C3orf20: variants seen among roughly 807,000 people sequenced by gnomAD.
The protein encoded by C3orf20 is family with sequence similarity 149 member C, also known as uncharacterized protein C3orf20.
C3orf20 carries 76 observed loss-of-function variants against 88.3 expected under a neutral mutation model. The observed-to-expected ratio is 0.86, with a 90% CI of 0.72 to 1.04. The LOEUF (loss-of-function observed/expected upper bound fraction) is 1.04, where lower values mean the gene tolerates loss of function less well. Ranked by LOEUF, C3orf20 falls within the 50% of genes least tolerant of loss-of-function variation. The pLI, the probability that C3orf20 is intolerant of heterozygous loss-of-function variation, is 0.00. For missense variants in C3orf20, 1,056 were observed against 1,123.3 expected, an observed-to-expected ratio of 0.94 and a Z score of 0.86; for synonymous variants, 436 against 437.4, an observed-to-expected ratio of 1.00 and a Z score of 0.04.
intron 12 of C3orf20, among the ~76,000 whole-genome samples, chr3:14,738,185 T>TTTTTA (rs2034779895): frequency 1.4e-5 from 2 of 145,222 alleles, no homozygotes; most frequent in African/African-American, 5.3e-5. Context: ...TTTTTTTTTT[T>TTTTTA]GAGGCAGAGT....
intron 15 of C3orf20, among the ~76,000 whole-genome samples, chr3:14,771,665 G>A (rs191315410): frequency 5.3e-5 from 8 of 152,312 alleles, no homozygotes; most frequent in African/African-American, 1.4e-4. Flanking sequence ...ATAAGGCCAC[G>A]TTCCGGGGTC....
intron 12 of C3orf20, among the ~76,000 whole-genome samples, chr3:14,736,755 T>C (rs9810367): frequency 0.58 from 87,932 of 151,622 alleles, 25,669 homozygotes; most frequent in East Asian, 0.67. Context: ...TTAATAGACA[T>C]GGGGCTTCAC....
intron 9 of C3orf20, among the ~76,000 whole-genome samples, chr3:14,719,734 G>T (rs747443374): frequency 2.6e-5 from 4 of 152,210 alleles, no homozygotes; most frequent in Non-Finnish European, 5.9e-5. Flanking sequence ...ATAAATGAAA[G>T]CTGTACTATG....
At chr3:14,750,059 T>C (rs181779756) in intron 12 of C3orf20, among the ~76,000 whole-genome samples, 194 of 152,306 alleles carry the variant, frequency 1.3e-3, no homozygotes, top group Admixed American at 0.011. Flanking sequence ...TGTTTACCTA[T>C]GTAGTTACCT....
intron 6 of C3orf20, among the ~76,000 whole-genome samples, chr3:14,703,738 AC>A (rs1202768966): frequency 6.6e-6 from 1 of 152,198 alleles, no homozygotes; most frequent in Non-Finnish European, 1.5e-5. Flanking sequence ...TAGATGTTCT[AC>A]CAGACAGACA....
chr3:14,749,509 G>A (rs180790395), intron 12 of C3orf20, among the ~76,000 whole-genome samples: 1 of 152,292 alleles, frequency 6.6e-6, no homozygotes, highest in Non-Finnish European at 1.5e-5. Context: ...TGCATCTCGT[G>A]TAGGGAGCAT....
chr3:14,749,332 A>G (rs1455786330), intron 12 of C3orf20, among the ~76,000 whole-genome samples: 1 of 152,124 alleles, frequency 6.6e-6, no homozygotes, highest in Non-Finnish European at 1.5e-5. Flanking sequence ...CTTTCATTTT[A>G]AACTTAGCTG....
At chr3:14,769,040 T>A (rs1202121344) in intron 15 of C3orf20, among the ~76,000 whole-genome samples, 1 of 152,060 alleles carries the variant, frequency 6.6e-6, no homozygotes, top group Non-Finnish European at 1.5e-5. Flanking sequence ...CCCCATCATT[T>A]GGTTCATTCG....
At chr3:14,691,523 C>G (rs2032730148) in intron 5 of C3orf20, among the ~76,000 whole-genome samples, 1 of 152,188 alleles carries the variant, frequency 6.6e-6, no homozygotes, top group Admixed American at 6.5e-5. Context: ...CAGGGTTTCC[C>G]CTTTCTGTGG....
chr3:14,752,311 C>A (rs2035242404), intron 12 of C3orf20, among the ~76,000 whole-genome samples: 1 of 152,178 alleles, frequency 6.6e-6, no homozygotes, highest in African/African-American at 2.4e-5. Flanking sequence ...CCCTTGCTTA[C>A]ACCTTATACA....
intron 1 of C3orf20, among the ~76,000 whole-genome samples, chr3:14,678,405 T>C (rs1186820085): frequency 6.6e-6 from 1 of 152,210 alleles, no homozygotes; most frequent in Non-Finnish European, 1.5e-5. Context: ...TGACACTTCC[T>C]TCTCTGGGTT....
At chr3:14,680,349 A>G (rs2032022713) in intron 1 of C3orf20, among the ~76,000 whole-genome samples, 3 of 152,228 alleles carry the variant, frequency 2.0e-5, no homozygotes, top group African/African-American at 4.8e-5. Flanking sequence ...GATACATGCT[A>G]TATAACATGG....
At position 14,723,662 on chromosome 3, in the gene C3orf20, A is replaced by G. The variant is rs561520150; in HGVS notation, c.1566+1878A>G. Among the ~76,000 whole-genome samples, 6 of 152,352 alleles carry G rather than the reference A, an allele frequency of 3.9e-5. No homozygotes were observed. The East Asian group carries it at 1.2e-3, about 29-fold the overall frequency. ...AATCCGGCATGCATTGGTTACTTCA[A>G]AGAGCAAACTACCCGCAAGAGTTTG... On this transcript the variant is annotated intron_variant, in intron 10 of 16. Transcript: ENST00000253697.
chr3:14,759,820 C>G, intron 13 of C3orf20, 71 bp from the exon 14 acceptor site: 1 of 1,332,610 alleles, frequency 7.5e-7, no homozygotes, highest in Non-Finnish European at 1.1e-6. Context: ...CAGGCCTAGC[C>G]GAGAATATGG....
chr3:14,707,232 G>A (rs924296350), intron 7 of C3orf20, among the ~76,000 whole-genome samples: 11 of 112,760 alleles, frequency 9.8e-5, no homozygotes, highest in Admixed American at 8.5e-4. Context: ...TTGGGCAACA[G>A]AGCAAGACTC....
chr3:14,681,673 G>A (rs1181431707), intron 1 of C3orf20, among the ~76,000 whole-genome samples: 1 of 152,158 alleles, frequency 6.6e-6, no homozygotes, highest in East Asian at 1.9e-4. Context: ...TCATTTTTGT[G>A]TAGCATAAGA....
chr3:14,706,765 C>A (rs1489773725), intron 7 of C3orf20, among the ~76,000 whole-genome samples: 1 of 151,988 alleles, frequency 6.6e-6, no homozygotes, highest in Non-Finnish European at 1.5e-5. Flanking sequence ...GGAAGTTGAA[C>A]TCAGTAATCT....
Position 14,708,871 on chromosome 3 carries a change from C to T in C3orf20, c.1160+4253C>T, listed in dbSNP as rs747175648. On this transcript the variant is annotated intron_variant, in intron 7 of 16. Transcript: ENST00000253697. The stretch of plus-strand genomic sequence containing the variant: ...GTTGGCCAGGCTGGTCTTGAACTCC[C>T]GACCTTGAGTGATCCGCCCACTTCA... Among the ~76,000 whole-genome samples the T allele has an allele frequency of 7.2e-5, 11 of 152,014 alleles. No individual in the cohort carries two copies. The South Asian group carries it at 1.0e-3, about 14-fold the overall frequency.
chr3:14,727,042 T>C lies in C3orf20; in HGVS notation c.1690+18T>C. On this transcript the variant is annotated intron_variant, in intron 11 of 16. Coordinates refer to ENST00000253697, the MANE Select transcript of C3orf20 (RefSeq NM_032137.5). ...GGCCGCAGGTAAGGAGGCTGAAAGG[T>C]GGGCGAAGGCCTATCTGTTGGCTTC... The C allele has an allele frequency of 1.2e-6, 2 of 1,614,006 alleles. No homozygotes were observed. Among genetic ancestry groups the C allele is most frequent in the Non-Finnish European group, 1.7e-6 (2 of 1,179,946 alleles).
Sources: gnomAD v4.1 joint callset for allele counts (sites outside exome capture counted in the v4.1 genomes callset) on GRCh38, gnomAD v4.1.1 for gene constraint, MANE v1.5 for transcripts, NCBI Gene and HGNC (gene_info 2026-07-23, HGNC 2026-07-21) for gene names.